The following GREB1L variants were observed in gnomAD, a reference collection of about 807,000 sequenced individuals.
The protein encoded by GREB1L is GREB1 like retinoic acid receptor coactivator.
A neutral mutation model predicts 200.8 loss-of-function variants in GREB1L; 17 were observed. The ratio of observed to expected loss-of-function variants is 0.08; its 90% CI spans 0.06 to 0.13. GREB1L has a LOEUF of 0.13. GREB1L is among the 10% of genes least tolerant of loss of function. The pLI is 1.00. For missense variants in GREB1L, 1,657 were observed against 2,367.7 expected (o/e 0.70, Z 6.23); for synonymous variants, 789 against 893.0 (o/e 0.88, Z 2.08).
chr18:21,286,477 C>G (rs1300319831), intron 1 of GREB1L, among the ~76,000 whole-genome samples: 2 of 152,076 alleles, frequency 1.3e-5, no homozygotes, highest in Non-Finnish European at 2.9e-5. Context: ...CACAATGAGC[C>G]TTTCAAAAAA....
intron 1 of GREB1L, among the ~76,000 whole-genome samples, chr18:21,265,113 AAG>A (rs1205840749): frequency 2.0e-5 from 3 of 152,192 alleles, no homozygotes; most frequent in Non-Finnish European, 1.5e-5. Flanking sequence ...ATGAAGGAAA[AAG>A]AGAAAATAAT....
chr18:21,407,813 C>A (rs184255608), intron 7 of GREB1L, among the ~76,000 whole-genome samples: 202 of 152,196 alleles, frequency 1.3e-3, no homozygotes, highest in African/African-American at 4.5e-3. Context: ...CTGTCATTTG[C>A]AGGAACATGG....
chr18:21,343,695 A>G (rs1250927251), intron 1 of GREB1L, among the ~76,000 whole-genome samples: 1 of 151,840 alleles, frequency 6.6e-6, no homozygotes, highest in Non-Finnish European at 1.5e-5. Context: ...GCTACCTCTT[A>G]ATGAAACACA....
chr18:21,317,108 C>T (rs988303773), intron 1 of GREB1L, among the ~76,000 whole-genome samples: 7 of 151,816 alleles, frequency 4.6e-5, no homozygotes, highest in Admixed American at 2.6e-4. Context: ...CCTATCCAAG[C>T]GGGTGCCGTG....
intron 1 of GREB1L, among the ~76,000 whole-genome samples, chr18:21,291,666 T>A (rs1002247142): frequency 6.6e-6 from 1 of 152,206 alleles, no homozygotes; most frequent in Non-Finnish European, 1.5e-5. Flanking sequence ...CATGAATCAG[T>A]GGCAACCTTC....
At chr18:21,393,389 C>A (rs984990657) in intron 4 of GREB1L, among the ~76,000 whole-genome samples, 8 of 151,216 alleles carry the variant, frequency 5.3e-5, no homozygotes, top group African/African-American at 1.9e-4. Flanking sequence ...CTCTGCCTCC[C>A]TGGTTCAAGT....
chr18:21,452,066 T>C lies in GREB1L; in HGVS notation c.1850-17T>C. 2 of 1,550,802 alleles carry C rather than the reference T, an allele frequency of 1.3e-6. No homozygotes were observed. The highest frequency in any genetic ancestry group is 1.7e-6 in the Non-Finnish European group (2 of 1,146,510). ...CATATCCTTCCTTGTAACCTTCTTA[T>C]CTCTATTTTGTAATAGGCGATGACC... is the stretch of plus-strand genomic sequence containing the variant. On this transcript the variant is annotated splice_polypyrimidine_tract_variant and intron_variant, in intron 13 of 32. Transcript: ENST00000424526.
chr18:21,397,208 T>C (rs1428641372), intron 5 of GREB1L, among the ~76,000 whole-genome samples: 1 of 151,838 alleles, frequency 6.6e-6, no homozygotes, highest in East Asian at 1.9e-4. Context: ...AAAAAGAACA[T>C]TTTCGGCCTG....
intron 1 of GREB1L, among the ~76,000 whole-genome samples, chr18:21,325,586 A>G (rs1481508385): frequency 6.6e-6 from 1 of 151,984 alleles, no homozygotes; most frequent in Non-Finnish European, 1.5e-5. Context: ...AGGCTGAGGC[A>G]AGAGGATCAC....
intron 15 of GREB1L, among the ~76,000 whole-genome samples, chr18:21,462,276 ATAAAT>A (rs1425917104): frequency 9.2e-5 from 14 of 152,254 alleles, no homozygotes; most frequent in East Asian, 3.8e-4. Context: ...TAGAACTGTG[ATAAAT>A]TAAGTTAGTA....
intron 28 of GREB1L, 63 bp downstream of exon 28, chr18:21,514,049 T>C (rs1445313559): frequency 2.6e-5 from 36 of 1,402,364 alleles, no homozygotes; most frequent in Non-Finnish European, 3.5e-5. Context: ...ATTTCTTGAC[T>C]ACAGTTACAT....
intron 27 of GREB1L, 122 bp downstream of exon 27, chr18:21,508,713 CGG>C: frequency 1.1e-5 from 4 of 354,086 alleles, no homozygotes; most frequent in African/African-American, 2.5e-5. Flanking sequence ...CACCACTCTT[CGG>C]AAAAAAAAAA....
At chr18:21,340,047 G>T (rs537425900) in intron 1 of GREB1L, among the ~76,000 whole-genome samples, 1 of 152,022 alleles carries the variant, frequency 6.6e-6, no homozygotes, top group African/African-American at 2.4e-5. Context: ...CATGCTCCTC[G>T]CCCCCACCCG....
intron 19 of GREB1L, among the ~76,000 whole-genome samples, chr18:21,492,074 C>T (rs1391079306): frequency 3.9e-5 from 6 of 151,950 alleles, no homozygotes; most frequent in African/African-American, 2.4e-5. Flanking sequence ...AGGCTGGGCA[C>T]GGTAGCTCAT....
At chr18:21,288,806 C>T (rs2038399956) in intron 1 of GREB1L, among the ~76,000 whole-genome samples, 1 of 151,510 alleles carries the variant, frequency 6.6e-6, no homozygotes, top group Admixed American at 6.6e-5. Context: ...GGTGCGATTT[C>T]GGTGCACTGC....
At chr18:21,352,692 C>T (rs1444902831) in intron 1 of GREB1L, among the ~76,000 whole-genome samples, 6 of 151,694 alleles carry the variant, frequency 4.0e-5, no homozygotes, top group Non-Finnish European at 5.9e-5. Context: ...CCTCAGCCTC[C>T]GAAAGTGCTG....
intron 7 of GREB1L, among the ~76,000 whole-genome samples, chr18:21,417,490 G>T (rs2031754320): frequency 1.3e-5 from 2 of 152,072 alleles, no homozygotes. Flanking sequence ...CTCCAGCCTG[G>T]ATGAAAGAGT....
chr18:21,512,406 T>G (rs976240080), intron 27 of GREB1L, among the ~76,000 whole-genome samples: 4 of 152,220 alleles, frequency 2.6e-5, no homozygotes, highest in Admixed American at 2.6e-4. Flanking sequence ...GCCTCCTTAG[T>G]TGATTCCTAA....
chr18:21,292,110 G>A (rs1016057034), intron 1 of GREB1L, among the ~76,000 whole-genome samples: 4 of 152,120 alleles, frequency 2.6e-5, no homozygotes, highest in East Asian at 1.9e-4. Flanking sequence ...GTAAAAAATC[G>A]AAGTACCAGA....
Sources: allele counts gnomAD v4.1 joint callset (sites outside exome capture counted in the v4.1 genomes callset), GRCh38; gene constraint gnomAD v4.1.1; transcripts MANE v1.5; gene names NCBI Gene and HGNC (gene_info 2026-07-23, HGNC 2026-07-21).